The following TMEM132E variants were observed in gnomAD, a reference collection of about 807,000 sequenced individuals.
TMEM132E encodes transmembrane protein 132E.
TMEM132E carries 49 observed loss-of-function variants against 78.5 expected under a neutral mutation model. The observed-to-expected ratio is 0.62, with a 90% CI of 0.50 to 0.79. TMEM132E has a LOEUF of 0.79. Among genes scored for constraint, TMEM132E ranks in the 30% least tolerant of loss-of-function variants. The pLI, the probability that TMEM132E is intolerant of heterozygous loss-of-function variation, is 0.00. For missense variants in TMEM132E, 1,403 were observed against 1,470.9 expected (o/e 0.95, Z 0.75); for synonymous variants, 715 against 670.6 (o/e 1.07, Z -1.02).
At position 34,638,349 on chromosome 17, in the gene TMEM132E, T is replaced by C. The variant is rs918820548; in HGVS notation, c.*117T>C. The C allele has an allele frequency of 5.8e-5, 66 of 1,144,992 alleles. No homozygotes were observed. The highest frequency in any genetic ancestry group is 8.3e-5 in the South Asian group (5 of 60,208). The allele number at this position is 1,144,992 out of a possible 1,614,324, so 70.9% of individuals were successfully genotyped here. Reference sequence around the variant, plus strand: ...GCGGCTGAATTGATTTTGTACTCCCTGCCCCTGCAGCTTGGCTCCGTGCGG... The same window carrying C: ...GCGGCTGAATTGATTTTGTACTCCCCGCCCCTGCAGCTTGGCTCCGTGCGG... On this transcript the variant is annotated 3_prime_UTR_variant, in exon 9 of 9. Transcript: ENST00000631683.
Position 34,628,407 on chromosome 17 carries a change from GTTCATCTGAAACA to G in TMEM132E, c.999-141_999-129del, listed in dbSNP as rs553226683. Among the ~76,000 whole-genome samples, 1,012 of 152,318 alleles carry G rather than the reference GTTCATCTGAAACA, an allele frequency of 6.6e-3. 12 individuals are homozygous for G. The highest frequency in any genetic ancestry group is 0.023 in the African/African-American group (956 of 41,564). On this transcript the variant is annotated intron_variant, in intron 2 of 8. Transcript: ENST00000631683. ...AGCTGTGTGATACCAGATTCCCCAAGTTCATCTGAAACATTCATCTGAAACATCCAGGACTCGG... is the reference window on the plus strand; with the variant it reads ...AGCTGTGTGATACCAGATTCCCCAAGTTCATCTGAAACATCCAGGACTCGG...
In TMEM132E at chr17:34,638,365, C is replaced by T; in HGVS notation, c.*133C>T. 1 of 1,048,038 alleles carries T rather than the reference C, an allele frequency of 9.5e-7. No homozygotes were observed. Among genetic ancestry groups the T allele is most frequent in the Non-Finnish European group, 1.3e-6 (1 of 747,832 alleles). The allele number at this position is 1,048,038 out of a possible 1,614,324, so 64.9% of individuals were successfully genotyped here. A position where few individuals can be genotyped will look rare whatever the true frequency, so the allele number is the denominator to read the frequency against. ...TGTACTCCCTGCCCCTGCAGCTTGG[C>T]TCCGTGCGGAGCGGGCCGCCTCAGT... On this transcript the variant is annotated 3_prime_UTR_variant, in exon 9 of 9. Coordinates refer to ENST00000631683, the MANE Select transcript of TMEM132E (RefSeq NM_001304438.2).
chr17:34,598,908 C>G (rs527542643), intron 1 of TMEM132E, among the ~76,000 whole-genome samples: 2 of 152,142 alleles, frequency 1.3e-5, no homozygotes, highest in African/African-American at 4.8e-5. Context: ...GCTGAGCGAT[C>G]CAGTCCAGCC....
intron 1 of TMEM132E, among the ~76,000 whole-genome samples, chr17:34,610,322 G>C (rs1039353469): frequency 6.6e-6 from 1 of 152,182 alleles, no homozygotes; most frequent in African/African-American, 2.4e-5. Flanking sequence ...ATATTTATTT[G>C]TTGAATATCT....
chr17:34,595,788 T>C (rs1044359101), intron 1 of TMEM132E, among the ~76,000 whole-genome samples: 8 of 152,132 alleles, frequency 5.3e-5, no homozygotes, highest in Non-Finnish European at 8.8e-5. Context: ...ACGCCAACAA[T>C]TGCTGAAGGA....
chr17:34,593,514 T>C (rs763880611), intron 1 of TMEM132E, among the ~76,000 whole-genome samples: 6 of 152,154 alleles, frequency 3.9e-5, no homozygotes, highest in Non-Finnish European at 5.9e-5. Context: ...GGAGGTATTT[T>C]CAGGGCCCCA....
chr17:34,581,018 T>C lies in TMEM132E; in HGVS notation c.-59T>C. On this transcript the variant is annotated 5_prime_UTR_variant, in exon 1 of 9. Transcript: ENST00000631683. ...GAGTTGGATGTGACCAAGCCCAGCC[T>C]GGGGCCAAGTCGTCGTCGACTGTTG... The C allele has an allele frequency of 6.9e-7, 1 of 1,449,966 alleles. No homozygotes were observed. Among genetic ancestry groups the C allele is most frequent in the Non-Finnish European group, 9.2e-7 (1 of 1,082,688 alleles). The allele number at this position is 1,449,966 out of a possible 1,614,324, so 89.8% of individuals were successfully genotyped here.
intron 6 of TMEM132E, among the ~76,000 whole-genome samples, chr17:34,633,800 C>G (rs1907428373): frequency 6.6e-6 from 1 of 152,188 alleles, no homozygotes; most frequent in Non-Finnish European, 1.5e-5. Context: ...CTGGGCAGGT[C>G]TGGGGTAAAG....
chr17:34,607,922 G>A (rs1438864090), intron 1 of TMEM132E, among the ~76,000 whole-genome samples: 4 of 152,086 alleles, frequency 2.6e-5, no homozygotes, highest in Non-Finnish European at 5.9e-5. Flanking sequence ...CACCAACCTG[G>A]GAGACCTCCA....
chr17:34,583,903 G>A (rs1372059995), intron 1 of TMEM132E, among the ~76,000 whole-genome samples: 1 of 152,232 alleles, frequency 6.6e-6, no homozygotes, highest in South Asian at 2.1e-4. Flanking sequence ...GCAGAGTGGT[G>A]TGTTTGGGCA....
intron 1 of TMEM132E, among the ~76,000 whole-genome samples, chr17:34,622,846 A>C (rs1907002813): frequency 6.6e-6 from 1 of 152,216 alleles, no homozygotes; most frequent in Non-Finnish European, 1.5e-5. Flanking sequence ...ACATGCATAT[A>C]ATATAGAGGT....
At chr17:34,609,427 A>AG (rs1250209566) in intron 1 of TMEM132E, among the ~76,000 whole-genome samples, 1 of 152,224 alleles carries the variant, frequency 6.6e-6, no homozygotes, top group African/African-American at 2.4e-5. Flanking sequence ...ATGCCTGAGC[A>AG]GAACCAGAGC....
At chr17:34,614,940 C>T (rs1422427747) in intron 1 of TMEM132E, 1 of 152,294 alleles carries the variant, frequency 6.6e-6, no homozygotes, top group Non-Finnish European at 1.5e-5. Context: ...AAGGGAGGGA[C>T]CATGGCCCAG....
rs115054030 is a variant in TMEM132E at position 34,600,882 on chromosome 17, C to T, written c.67+19739C>T. Among the ~76,000 whole-genome samples, 418 of 152,322 alleles carry T rather than the reference C, an allele frequency of 2.7e-3. 3 individuals carry two copies. The highest frequency in any genetic ancestry group is 9.5e-3 in the African/African-American group (395 of 41,576). On this transcript the variant is annotated intron_variant, in intron 1 of 8. Transcript: ENST00000631683. ...AGCTGTGAGACAGAGGCCATGAGGTCATGGAAGCAGGAGGTCACTGGCAGC... is the reference window on the plus strand; with the variant it reads ...AGCTGTGAGACAGAGGCCATGAGGTTATGGAAGCAGGAGGTCACTGGCAGC...
intron 4 of TMEM132E, among the ~76,000 whole-genome samples, chr17:34,629,411 G>C (rs1050431414): frequency 6.6e-6 from 1 of 152,194 alleles, no homozygotes; most frequent in Admixed American, 6.5e-5. Context: ...AGATGCTCAG[G>C]GGGGCAGAGG....
At chr17:34,596,816 G>A (rs1403587397) in intron 1 of TMEM132E, among the ~76,000 whole-genome samples, 1 of 127,720 alleles carries the variant, frequency 7.8e-6, no homozygotes, top group Non-Finnish European at 1.6e-5. Context: ...TCCCTAAATG[G>A]CCCCTAAATG....
At chr17:34,600,523 AG>A (rs772510802) in intron 1 of TMEM132E, among the ~76,000 whole-genome samples, 5 of 148,766 alleles carry the variant, frequency 3.4e-5, no homozygotes, top group Non-Finnish European at 7.4e-5. Flanking sequence ...CACCCTTGGG[AG>A]TCTGCCCTGA....
chr17:34,581,936 T>C (rs1319956799), intron 1 of TMEM132E, among the ~76,000 whole-genome samples: 3 of 151,830 alleles, frequency 2.0e-5, no homozygotes, highest in Non-Finnish European at 4.4e-5. Flanking sequence ...GGCAGCGGGT[T>C]TTTGAACAGC....
chr17:34,586,346 T>C (rs1905678215), intron 1 of TMEM132E, among the ~76,000 whole-genome samples: 1 of 152,074 alleles, frequency 6.6e-6, no homozygotes, highest in African/African-American at 2.4e-5. Flanking sequence ...TTCTCTGTCT[T>C]CTTAAATGAA....
Sources: allele counts gnomAD v4.1 joint callset (sites outside exome capture counted in the v4.1 genomes callset), GRCh38; gene constraint gnomAD v4.1.1; transcripts MANE v1.5; gene names NCBI Gene and HGNC (gene_info 2026-07-23, HGNC 2026-07-21).